Variants in DNAJC1 observed in about 807,000 individuals in gnomAD.
DNAJC1 encodes the protein DnaJ heat shock protein family (Hsp40) member C1, also known as dnaJ homolog subfamily C member 1.
A neutral mutation model predicts 76.6 loss-of-function variants in DNAJC1; 58 were observed. The ratio of observed to expected loss-of-function variants is 0.76; its 90% CI spans 0.61 to 0.94. The LOEUF (loss-of-function observed/expected upper bound fraction) is 0.94. Among genes scored for constraint, DNAJC1 ranks in the 40% least tolerant of loss-of-function variants. The pLI is 0.00. For synonymous variants in DNAJC1, 258 were observed against 267.9 expected, an observed-to-expected ratio of 0.96 and a Z score of 0.36; for missense variants, 689 against 677.3, an observed-to-expected ratio of 1.02 and a Z score of -0.19.
chr10:21,963,431 T>C (rs1047176187), intron 1 of DNAJC1, among the ~76,000 whole-genome samples: 4 of 152,242 alleles, frequency 2.6e-5, no homozygotes, highest in Non-Finnish European at 4.4e-5. Flanking sequence ...ATGTGGATTT[T>C]TCTTGCCTAG....
At chr10:21,831,685 G>T (rs1486693694) in intron 8 of DNAJC1, among the ~76,000 whole-genome samples, 1 of 151,336 alleles carries the variant, frequency 6.6e-6, no homozygotes, top group Non-Finnish European at 1.5e-5. Context: ...AGCTACTCAG[G>T]AGGCTGAGGC....
At chr10:21,780,794 G>C (rs1452610150) in intron 9 of DNAJC1, among the ~76,000 whole-genome samples, 4 of 152,138 alleles carry the variant, frequency 2.6e-5, no homozygotes, top group African/African-American at 4.8e-5. Flanking sequence ...AAAAGACACA[G>C]ACTGGCAAAT....
intron 1 of DNAJC1, among the ~76,000 whole-genome samples, chr10:21,988,817 T>C (rs1309247477): frequency 6.6e-6 from 1 of 152,174 alleles, no homozygotes; most frequent in African/African-American, 2.4e-5. Flanking sequence ...AATTTAACTT[T>C]AGGAGGATTA....
At chr10:21,990,351 C>G (rs1174897861) in intron 1 of DNAJC1, among the ~76,000 whole-genome samples, 1 of 152,024 alleles carries the variant, frequency 6.6e-6, no homozygotes, top group Non-Finnish European at 1.5e-5. Context: ...AAACAAGTAG[C>G]CCCCTCAGTT....
chr10:21,856,070 G>A (rs1036513734), intron 8 of DNAJC1, among the ~76,000 whole-genome samples: 1 of 152,168 alleles, frequency 6.6e-6, no homozygotes, highest in Non-Finnish European at 1.5e-5. Context: ...TACAGAGACT[G>A]AGGGATGGTT....
At chr10:21,782,105 A>T (rs908541941) in intron 9 of DNAJC1, among the ~76,000 whole-genome samples, 7 of 152,210 alleles carry the variant, frequency 4.6e-5, no homozygotes, top group African/African-American at 7.2e-5. Context: ...TGAATCCAGA[A>T]GCTGGTTTTT....
chr10:21,995,555 G>C (rs1299878666), intron 1 of DNAJC1, among the ~76,000 whole-genome samples: 2 of 152,034 alleles, frequency 1.3e-5, no homozygotes, highest in African/African-American at 2.4e-5. Context: ...TTTAATTCTT[G>C]ATCTTAGATT....
At chr10:21,947,765 T>C (rs896412287) in intron 1 of DNAJC1, among the ~76,000 whole-genome samples, 29 of 152,334 alleles carry the variant, frequency 1.9e-4, no homozygotes, top group African/African-American at 7.0e-4. Context: ...GAATTGTATA[T>C]GACTTTTGTT....
intron 2 of DNAJC1, 37 bp downstream of exon 2, chr10:21,929,003 G>A: frequency 7.7e-7 from 1 of 1,299,912 alleles, no homozygotes; most frequent in South Asian, 1.4e-5. Context: ...TAATACATTT[G>A]TCACAAAATA....
chr10:21,985,720 T>C (rs1331716736), intron 1 of DNAJC1, among the ~76,000 whole-genome samples: 4 of 152,234 alleles, frequency 2.6e-5, no homozygotes, highest in Non-Finnish European at 5.9e-5. Flanking sequence ...AAATATTAAA[T>C]AGCATTGCAC....
chr10:21,902,559 C>T (rs1014333237), intron 7 of DNAJC1, among the ~76,000 whole-genome samples: 1 of 152,164 alleles, frequency 6.6e-6, no homozygotes, highest in Non-Finnish European at 1.5e-5. Flanking sequence ...CCTGTCTTGG[C>T]CTCCCAAAAT....
At chr10:21,892,012 T>A (rs1836470164) in intron 7 of DNAJC1, among the ~76,000 whole-genome samples, 1 of 152,058 alleles carries the variant, frequency 6.6e-6, no homozygotes. Context: ...ACAATGATAC[T>A]ATAAATAAAG....
chr10:21,823,214 T>C (rs1370876120), intron 8 of DNAJC1, among the ~76,000 whole-genome samples: 3 of 152,150 alleles, frequency 2.0e-5, no homozygotes, highest in Non-Finnish European at 4.4e-5. Flanking sequence ...AACTAAAACT[T>C]AGATGAATTA....
chr10:21,920,615 A>T (rs1297119263), intron 4 of DNAJC1, 183 bp downstream of exon 4: 6 of 498,822 alleles, frequency 1.2e-5, no homozygotes, highest in Non-Finnish European at 1.9e-5. Flanking sequence ...TTTTAAAAGA[A>T]GAATATTTTC....
At chr10:21,860,722 CAA>C (rs1835906428) in intron 8 of DNAJC1, 2 of 165,494 alleles carry the variant, frequency 1.2e-5, no homozygotes, top group African/African-American at 4.8e-5. Flanking sequence ...AACAAACAAA[CAA>C]ACAAACAAAC....
At chr10:21,939,817 C>T (rs555215780) in intron 1 of DNAJC1, among the ~76,000 whole-genome samples, 95 of 151,976 alleles carry the variant, frequency 6.3e-4, no homozygotes, top group Non-Finnish European at 1.2e-3. Context: ...GGGTCATTTT[C>T]GTATCTGATT....
intron 8 of DNAJC1, among the ~76,000 whole-genome samples, chr10:21,831,460 T>C (rs767549730): frequency 5.3e-5 from 8 of 152,234 alleles, no homozygotes; most frequent in Non-Finnish European, 8.8e-5. Flanking sequence ...TTTTAATCTA[T>C]ACTATGATTA....
chr10:21,885,917 C>T (rs568474395), intron 7 of DNAJC1, among the ~76,000 whole-genome samples: 79 of 151,880 alleles, frequency 5.2e-4, no homozygotes, highest in African/African-American at 1.7e-3. Context: ...AACATCACAA[C>T]GGAAAGAATT....
rs144803756 is a variant in DNAJC1 at position 21,840,864 on chromosome 10, T to G, written c.979-34765A>C. 2.9e-3 allele frequency among the ~76,000 whole-genome samples: 434 copies of G among 152,254 alleles called. 2 individuals are homozygous for G. Among genetic ancestry groups the G allele is most frequent in the African/African-American group, 0.01 (420 of 41,532 alleles). On this transcript the variant is annotated intron_variant, in intron 8 of 11. Coordinates refer to ENST00000376980, the MANE Select transcript of DNAJC1 (RefSeq NM_022365.4). Reference sequence around the variant, plus strand: ...CTGACTTCAAACTATACTACAAGGTTACAGTAACCAAAACAGCATGGTACT... The same window carrying G: ...CTGACTTCAAACTATACTACAAGGTGACAGTAACCAAAACAGCATGGTACT...
Sources: allele counts gnomAD v4.1 joint callset (sites outside exome capture counted in the v4.1 genomes callset), GRCh38; gene constraint gnomAD v4.1.1; transcripts MANE v1.5; gene names NCBI Gene and HGNC (gene_info 2026-07-23, HGNC 2026-07-21).